The following PARD3B variants were observed in gnomAD, a reference collection of about 807,000 sequenced individuals.
The protein encoded by PARD3B is partitioning defective 3 homolog B.
A neutral mutation model predicts 130.2 loss-of-function variants in PARD3B; 103 were observed. The observed-to-expected ratio is 0.79, with a 90% confidence interval of 0.67 to 0.93. The LOEUF (loss-of-function observed/expected upper bound fraction) is 0.93, where lower values mean the gene tolerates loss of function less well. Ranked by LOEUF, PARD3B falls within the 40% of genes least tolerant of loss-of-function variation. The pLI is 0.00. For missense variants in PARD3B, 1,609 were observed against 1,499.2 expected (o/e 1.07, Z -1.21); for synonymous variants, 583 against 553.2 (o/e 1.05, Z -0.76).
chr2:205,245,925 C>A, intron 16 of PARD3B, 103 bp downstream of exon 16: 1 of 941,090 alleles, frequency 1.1e-6, no homozygotes, highest in Non-Finnish European at 1.7e-6. Context: ...CACTGAAAGG[C>A]TTTCTAATTA....
At chr2:204,709,998 G>A (rs2038356526) in intron 2 of PARD3B, among the ~76,000 whole-genome samples, 1 of 152,164 alleles carries the variant, frequency 6.6e-6, no homozygotes, top group Admixed American at 6.5e-5. Context: ...GAGGAAAACA[G>A]GGCCTTTTCC....
At chr2:204,569,223 A>G (rs2031853687) in intron 1 of PARD3B, among the ~76,000 whole-genome samples, 1 of 152,204 alleles carries the variant, frequency 6.6e-6, no homozygotes, top group Non-Finnish European at 1.5e-5. Context: ...AAATATCACT[A>G]ATTATCTCCA....
chr2:205,499,754 T>C, intron 20 of PARD3B, 142 bp from the exon 21 acceptor site: 2 of 991,648 alleles, frequency 2.0e-6, no homozygotes, highest in Non-Finnish European at 2.9e-6. Context: ...TTATGACTGA[T>C]TTCACCATTT....
At chr2:205,330,526 G>A (rs1380597145) in intron 18 of PARD3B, among the ~76,000 whole-genome samples, 2 of 152,180 alleles carry the variant, frequency 1.3e-5, no homozygotes, top group African/African-American at 4.8e-5. Context: ...TGACTCTGTA[G>A]CTCCAGGGAA....
At chr2:205,118,023 C>A (rs1275285295) in intron 6 of PARD3B, among the ~76,000 whole-genome samples, 1 of 152,106 alleles carries the variant, frequency 6.6e-6, no homozygotes, top group Non-Finnish European at 1.5e-5. Context: ...TAAGCTACAG[C>A]CACAAAAATC....
chr2:204,917,294 A>G (rs1185864603), intron 2 of PARD3B, among the ~76,000 whole-genome samples: 1 of 152,218 alleles, frequency 6.6e-6, no homozygotes. Flanking sequence ...AGGAATGACA[A>G]GGTCTTGTGG....
chr2:204,714,879 A>T (rs1056400621), intron 2 of PARD3B, among the ~76,000 whole-genome samples: 1 of 152,182 alleles, frequency 6.6e-6, no homozygotes, highest in Admixed American at 6.5e-5. Context: ...GAGGTGCTAT[A>T]ATTTTCATTT....
intron 21 of PARD3B, among the ~76,000 whole-genome samples, chr2:205,502,564 T>TC: frequency 6.6e-6 from 1 of 152,178 alleles, no homozygotes; most frequent in Middle Eastern, 3.4e-3. Context: ...AACTTAGAAC[T>TC]CCCCCAAGTC....
intron 2 of PARD3B, among the ~76,000 whole-genome samples, chr2:204,827,578 G>A (rs1356931102): frequency 3.3e-5 from 5 of 152,066 alleles, no homozygotes; most frequent in African/African-American, 7.2e-5. Flanking sequence ...ACACTTTTAG[G>A]ATAACAAAAC....
intron 2 of PARD3B, among the ~76,000 whole-genome samples, chr2:204,888,047 C>T (rs2046322360): frequency 6.6e-6 from 1 of 151,954 alleles, no homozygotes; most frequent in South Asian, 2.1e-4. Flanking sequence ...GAGAGGTGAG[C>T]AGCAGGAGAA....
At chr2:205,448,964 C>T (rs930193181) in intron 20 of PARD3B, among the ~76,000 whole-genome samples, 2 of 151,758 alleles carry the variant, frequency 1.3e-5, no homozygotes, top group Non-Finnish European at 2.9e-5. Flanking sequence ...GTCAGGAGTT[C>T]GAGACCAGCC....
At chr2:204,644,583 G>A (rs962338457) in intron 1 of PARD3B, among the ~76,000 whole-genome samples, 1 of 152,022 alleles carries the variant, frequency 6.6e-6, no homozygotes, top group East Asian at 1.9e-4. Context: ...TCCCTAGTTA[G>A]AGAGTTAGAA....
chr2:204,826,065 C>T lies in PARD3B; in HGVS notation c.223-139087C>T, dbSNP rs145754538. Among the ~76,000 whole-genome samples the T allele has an allele frequency of 5.1e-3, 775 of 152,162 alleles. 4 individuals carry two copies. Among genetic ancestry groups the T allele is most frequent in the Non-Finnish European group, 8.3e-3 (563 of 68,000 alleles). On this transcript the variant is annotated intron_variant, in intron 2 of 22. Transcript: ENST00000406610. ...TTGCTTTTTCTGAGGAAATTCCAGG[C>T]ATGATAAGTCAAATGAGAAATTTAA...
At chr2:205,580,828 GA>G (rs1393899374) in intron 22 of PARD3B, among the ~76,000 whole-genome samples, 4 of 151,900 alleles carry the variant, frequency 2.6e-5, no homozygotes, top group African/African-American at 9.7e-5. Context: ...AAATGCCTTG[GA>G]AAAAAAGCTG....
At chr2:204,563,217 G>GTCTCTGTC (rs1553541987) in intron 1 of PARD3B, among the ~76,000 whole-genome samples, 2 of 86,598 alleles carry the variant, frequency 2.3e-5, no homozygotes, top group African/African-American at 8.9e-5. Context: ...TCTTCCCGCT[G>GTCTCTGTC]TCTCTCTCTC....
rs1282005361 is a variant in PARD3B, at chr2:205,263,026, T to C, written c.2185+17204T>C. 6.6e-6 allele frequency among the ~76,000 whole-genome samples: 1 copy of C among 151,962 alleles called. No individual in the cohort carries two copies. The highest frequency in any genetic ancestry group is 1.5e-5 in the Non-Finnish European group (1 of 67,954). Reference sequence around the variant, plus strand: ...TACCAAAAGACAATACAGAGCTAGATTGAAAGCCCAAGGTACTGCCATGGG... The same window carrying C: ...TACCAAAAGACAATACAGAGCTAGACTGAAAGCCCAAGGTACTGCCATGGG... On this transcript the variant is annotated intron_variant, in intron 16 of 22. Coordinates refer to ENST00000406610, the MANE Select transcript of PARD3B (RefSeq NM_001302769.2). This position sits in a 1 kb window ranked among gnomAD's most constrained non-coding sequence, Gnocchi z 4.0.
chr2:204,758,280 G>A (rs902855554), intron 2 of PARD3B, among the ~76,000 whole-genome samples: 1 of 152,096 alleles, frequency 6.6e-6, no homozygotes, highest in African/African-American at 2.4e-5. Context: ...CAAGTCATGT[G>A]CCCAAGCCCA....
intron 11 of PARD3B, among the ~76,000 whole-genome samples, chr2:205,170,264 TTGTGCCTCACTCAAA>T (rs1454926526): frequency 6.6e-6 from 1 of 152,174 alleles, no homozygotes; most frequent in Non-Finnish European, 1.5e-5. Context: ...TTATGCTTTT[TTGTGCCTCACTCAAA>T]ATTGGATAAC....
At chr2:204,948,743 G>T (rs748100512) in intron 2 of PARD3B, among the ~76,000 whole-genome samples, 1 of 152,132 alleles carries the variant, frequency 6.6e-6, no homozygotes, top group Non-Finnish European at 1.5e-5. Flanking sequence ...GAAATTATTT[G>T]TCTTAGTCCA....
Sources: gnomAD v4.1 joint callset for allele counts (sites outside exome capture counted in the v4.1 genomes callset) on GRCh38, gnomAD v4.1.1 for gene constraint, Gnocchi (gnomAD v3.1) non-coding constraint, MANE v1.5 for transcripts, NCBI Gene and HGNC (gene_info 2026-07-23, HGNC 2026-07-21) for gene names.